The following OPHN1 variants were observed in gnomAD, a reference collection of about 807,000 sequenced individuals.
The protein encoded by OPHN1 is oligophrenin-1.
OPHN1 carries 11 observed loss-of-function variants against 60.7 expected under a neutral mutation model. The observed-to-expected ratio is 0.18, with a 90% CI of 0.11 to 0.30. The LOEUF is 0.30. Among genes scored for constraint, OPHN1 ranks in the 10% least tolerant of loss-of-function variants. The pLI is 1.00. For missense variants in OPHN1, 449 were observed against 611.0 expected (o/e 0.73, Z 2.80); for synonymous variants, 226 against 222.6 (o/e 1.02, Z -0.14).
At chrX:68,266,248 G>A (rs752124276) in intron 5 of OPHN1, among the ~76,000 whole-genome samples, 1 of 111,460 alleles carries the variant, frequency 9.0e-6, no homozygotes, top group Non-Finnish European at 1.9e-5. Flanking sequence ...AAGTTCACAT[G>A]AAGGAAAAAA....
chrX:68,210,074 G>A, intron 9 of OPHN1, 79 bp downstream of exon 9: 1 of 1,095,717 alleles, frequency 9.1e-7, no homozygotes, highest in Non-Finnish European at 1.3e-6. Context: ...CAGTAAGGGT[G>A]CCCAAAATTC....
chrX:68,248,878 T>A (rs916991686), intron 5 of OPHN1, among the ~76,000 whole-genome samples: 5 of 111,617 alleles, frequency 4.5e-5, no homozygotes, highest in African/African-American at 1.6e-4. Context: ...CACTTATTTG[T>A]GGGATCTAAA....
intron 2 of OPHN1, among the ~76,000 whole-genome samples, chrX:68,314,940 C>T (rs1326621459): frequency 6.5e-4 from 68 of 104,025 alleles, no homozygotes; most frequent in Non-Finnish European, 1.1e-3. Flanking sequence ...GAGCCAAGAT[C>T]GTGTCACTGC....
intron 15 of OPHN1, among the ~76,000 whole-genome samples, chrX:68,159,651 C>A (rs1042103928): frequency 9.0e-6 from 1 of 111,681 alleles, no homozygotes; most frequent in Admixed American, 9.5e-5. Context: ...ATTTAGACGT[C>A]ATATGTGTAA....
At chrX:68,357,073 ACT>A (rs2078444655) in intron 2 of OPHN1, among the ~76,000 whole-genome samples, 1 of 110,974 alleles carries the variant, frequency 9.0e-6, no homozygotes, top group Non-Finnish European at 1.9e-5. Flanking sequence ...TGGTCGCAAA[ACT>A]CTGCGAATAT....
intron 3 of OPHN1, among the ~76,000 whole-genome samples, chrX:68,293,296 A>G (rs1387245551): frequency 8.9e-6 from 1 of 112,027 alleles, no homozygotes; most frequent in Non-Finnish European, 1.9e-5. Context: ...ATCTCAACCA[A>G]GAGGTTTATG....
chrX:68,229,822 C>T (rs1317137537), intron 6 of OPHN1, among the ~76,000 whole-genome samples: 20 of 111,875 alleles, frequency 1.8e-4, no homozygotes, highest in African/African-American at 4.9e-4. Flanking sequence ...AGAAGAAAAC[C>T]TAGGCAATAC....
intron 18 of OPHN1, among the ~76,000 whole-genome samples, chrX:68,109,851 C>T (rs2077096870): frequency 9.0e-6 from 1 of 111,061 alleles, no homozygotes; most frequent in Non-Finnish European, 1.9e-5. Context: ...CATAATACTA[C>T]ACTGTTGAAT....
chrX:68,256,253 A>C (rs1217969177), intron 5 of OPHN1, among the ~76,000 whole-genome samples: 1 of 111,403 alleles, frequency 9.0e-6, no homozygotes, highest in Admixed American at 9.6e-5. Context: ...CTTACTGTAC[A>C]CATGGCTGGC....
At chrX:68,318,723 T>C (rs1446945475) in intron 2 of OPHN1, among the ~76,000 whole-genome samples, 1 of 111,740 alleles carries the variant, frequency 8.9e-6, no homozygotes, top group Non-Finnish European at 1.9e-5. Context: ...GTCTTTTTAC[T>C]TTTCCAAATC....
chrX:68,186,365 A>AT (rs1373949279), intron 15 of OPHN1, among the ~76,000 whole-genome samples: 1 of 110,315 alleles, frequency 9.1e-6, no homozygotes, highest in Non-Finnish European at 1.9e-5. Context: ...GGATCCTAGT[A>AT]TTACCAACAG....
chrX:68,420,847 G>GAAAAA (rs34592755), intron 2 of OPHN1, among the ~76,000 whole-genome samples: 3 of 64,996 alleles, frequency 4.6e-5, no homozygotes, highest in African/African-American at 1.5e-4. Flanking sequence ...ATTCTCAACA[G>GAAAAA]AAAAAAAAAA....
At chrX:68,252,405 A>G (rs1443951718) in intron 5 of OPHN1, among the ~76,000 whole-genome samples, 1 of 112,013 alleles carries the variant, frequency 8.9e-6, no homozygotes, top group Non-Finnish European at 1.9e-5. Context: ...CTGAGCCCAA[A>G]TTAAATCGCC....
chrX:68,206,167 G>A (rs1026341550), intron 10 of OPHN1, among the ~76,000 whole-genome samples: 8 of 111,285 alleles, frequency 7.2e-5, no homozygotes, highest in African/African-American at 2.6e-4. Context: ...TGTGAGTATC[G>A]GTTATTCCAA....
chrX:68,083,324 G>A (rs897705932), intron 19 of OPHN1, among the ~76,000 whole-genome samples: 7 of 108,067 alleles, frequency 6.5e-5, no homozygotes, highest in African/African-American at 1.7e-4. Flanking sequence ...CACCCGCCTC[G>A]GCCTCCCAAA....
At chrX:68,230,523 A>T (rs1342887924) in intron 6 of OPHN1, among the ~76,000 whole-genome samples, 1 of 110,503 alleles carries the variant, frequency 9.0e-6, no homozygotes, top group Non-Finnish European at 1.9e-5. Flanking sequence ...CCAAATATCC[A>T]TCAATGATAG....
At chrX:68,232,404 C>A (rs1447673021) in intron 6 of OPHN1, among the ~76,000 whole-genome samples, 2 of 111,375 alleles carry the variant, frequency 1.8e-5, no homozygotes, top group Non-Finnish European at 3.8e-5. Context: ...CAAAAGATCT[C>A]TCACGGTGGT....
intron 5 of OPHN1, among the ~76,000 whole-genome samples, chrX:68,238,030 T>G (rs978665654): frequency 1.1e-4 from 12 of 111,827 alleles, no homozygotes; most frequent in African/African-American, 3.9e-4. Context: ...GAAGTTCCCT[T>G]GAATTCCTAG....
intron 2 of OPHN1, among the ~76,000 whole-genome samples, chrX:68,421,007 G>A (rs1029162745): frequency 4.5e-5 from 5 of 111,070 alleles, no homozygotes; most frequent in African/African-American, 1.3e-4. Flanking sequence ...CATAGGCTTC[G>A]GTTTCCTCAT....
Sources: gnomAD v4.1 joint callset for allele counts (sites outside exome capture counted in the v4.1 genomes callset) on GRCh38, gnomAD v4.1.1 for gene constraint, MANE v1.5 for transcripts, NCBI Gene and HGNC (gene_info 2026-07-23, HGNC 2026-07-21) for gene names.